CALN1: variants seen among roughly 807,000 people sequenced by gnomAD.
CALN1 encodes calcium-binding protein 8.
A neutral mutation model predicts 30.6 loss-of-function variants in CALN1; 17 were observed. The ratio of observed to expected loss-of-function variants is 0.56; its 90% CI spans 0.38 to 0.83. The LOEUF (loss-of-function observed/expected upper bound fraction) is 0.83. Among genes scored for constraint, CALN1 ranks in the 40% least tolerant of loss-of-function variants. CALN1 has a pLI of 0.00. For missense variants in CALN1, 291 were observed against 354.9 expected (o/e 0.82, Z 1.45); for synonymous variants, 156 against 131.4 (o/e 1.19, Z -1.28).
chr7:72,157,635 G>A (rs1276028044), intron 3 of CALN1, among the ~76,000 whole-genome samples: 1 of 152,212 alleles, frequency 6.6e-6, no homozygotes, highest in Non-Finnish European at 1.5e-5. Context: ...TGGAGGAGAG[G>A]AGGAAGGAGA....
chr7:71,972,443 A>G (rs1797894991), intron 5 of CALN1, among the ~76,000 whole-genome samples: 2 of 152,116 alleles, frequency 1.3e-5, no homozygotes, highest in East Asian at 1.9e-4. Flanking sequence ...CTGAAAGGAG[A>G]ATATTTTTAC....
intron 2 of CALN1, among the ~76,000 whole-genome samples, chr7:72,380,477 G>C (rs190726336): frequency 6.6e-6 from 1 of 152,104 alleles, no homozygotes; most frequent in Non-Finnish European, 1.5e-5. Flanking sequence ...ATAAAAATTA[G>C]CTGAGCATGG....
intron 3 of CALN1, among the ~76,000 whole-genome samples, chr7:72,260,671 C>A (rs1796204759): frequency 6.6e-6 from 1 of 152,050 alleles, no homozygotes; most frequent in Non-Finnish European, 1.5e-5. Context: ...TTTTACACCC[C>A]CAGTGGGTGC....
chr7:72,128,937 A>C (rs1808953510), intron 3 of CALN1, among the ~76,000 whole-genome samples: 1 of 152,208 alleles, frequency 6.6e-6, no homozygotes, highest in Non-Finnish European at 1.5e-5. Flanking sequence ...GAAAAATCAG[A>C]AACAAAGTAA....
chr7:72,499,861 CTT>C, the CALN1 span, among the ~76,000 whole-genome samples: 624 of 50,288 alleles, frequency 0.012, 95 homozygotes, highest in African/African-American at 0.063. Flanking sequence ...TTCTTTCTTT[CTT>C]TCTTTCTTTC....
chr7:72,152,440 G>A (rs1787325481), intron 3 of CALN1, among the ~76,000 whole-genome samples: 1 of 152,184 alleles, frequency 6.6e-6, no homozygotes, highest in South Asian at 2.1e-4. Context: ...TTTGCATGGT[G>A]CGAGAGAGCA....
upstream of CALN1, among the ~76,000 whole-genome samples, chr7:72,451,209 A>AAGAAGAAGG (rs747175718): frequency 2.4e-5 from 3 of 126,120 alleles, no homozygotes; most frequent in African/African-American, 1.1e-4. Flanking sequence ...GAAGAAGAAG[A>AAGAAGAAGG]AGGAGGAGGA....
At chr7:72,352,170 A>G (rs777371189) in intron 2 of CALN1, among the ~76,000 whole-genome samples, 1 of 151,566 alleles carries the variant, frequency 6.6e-6, no homozygotes, top group Non-Finnish European at 1.5e-5. Flanking sequence ...CCGTCTCAAA[A>G]CAAACAAACA....
intron 6 of CALN1, among the ~76,000 whole-genome samples, chr7:71,794,211 C>T (rs1455265537): frequency 6.6e-6 from 1 of 152,078 alleles, no homozygotes; most frequent in African/African-American, 2.4e-5. Flanking sequence ...TACTGTTACG[C>T]CCAGGTTCAA....
At chr7:72,166,666 C>T (rs1788546226) in intron 3 of CALN1, among the ~76,000 whole-genome samples, 1 of 152,168 alleles carries the variant, frequency 6.6e-6, no homozygotes, top group African/African-American at 2.4e-5. Flanking sequence ...GAGTGGCAAA[C>T]GGATTATGTA....
chr7:71,966,146 T>C (rs1584629838), intron 5 of CALN1, among the ~76,000 whole-genome samples: 1 of 152,350 alleles, frequency 6.6e-6, no homozygotes, highest in East Asian at 1.9e-4. Context: ...GTGCTCCTTG[T>C]AGTTTCTATC....
intron 3 of CALN1, among the ~76,000 whole-genome samples, chr7:72,139,216 A>C (rs1292481522): frequency 7.2e-5 from 11 of 152,206 alleles, no homozygotes; most frequent in Admixed American, 3.9e-4. Flanking sequence ...TTGATGTCCC[A>C]GGCGCTTCCA....
At chr7:72,223,874 C>A (rs1007167621) in intron 3 of CALN1, among the ~76,000 whole-genome samples, 1 of 152,172 alleles carries the variant, frequency 6.6e-6, no homozygotes, top group Non-Finnish European at 1.5e-5. Context: ...TGGAGGCTAT[C>A]ATCCTAAGCA....
chr7:72,375,339 G>A (rs1255357590), intron 2 of CALN1, among the ~76,000 whole-genome samples: 6 of 152,094 alleles, frequency 3.9e-5, no homozygotes, highest in Non-Finnish European at 8.8e-5. Flanking sequence ...AAAGCAGGAA[G>A]ATTGCTTGAG....
Position 72,348,439 on chromosome 7 carries a change from T to A in CALN1, c.119+54812A>T, listed in dbSNP as rs555712715. On this transcript the variant is annotated intron_variant, in intron 2 of 6. Transcript: ENST00000395275. ...TGAAGGCTTAGGTAGCTAGATTTTG[T>A]GGGGCAGAGAACTGGAGAGGAGAAG... Among the ~76,000 whole-genome samples the A allele has an allele frequency of 2.6e-5, 4 of 152,264 alleles. No individual in the cohort carries two copies. The South Asian group carries it at 8.3e-4, about 32-fold the overall frequency.
chr7:72,101,214 C>T (rs542425116), intron 4 of CALN1, among the ~76,000 whole-genome samples: 1 of 152,296 alleles, frequency 6.6e-6, no homozygotes, highest in Non-Finnish European at 1.5e-5. Context: ...GATCCGCCTG[C>T]CTCGGCCTCC....
intron 5 of CALN1, among the ~76,000 whole-genome samples, chr7:71,982,320 C>T (rs1384179913): frequency 2.0e-5 from 3 of 152,180 alleles, no homozygotes; most frequent in African/African-American, 7.2e-5. Flanking sequence ...GTCGGCCGGG[C>T]ACAGTGGCTT....
chr7:72,314,744 G>C (rs1800317752), intron 2 of CALN1, among the ~76,000 whole-genome samples: 1 of 151,106 alleles, frequency 6.6e-6, no homozygotes, highest in African/African-American at 2.4e-5. Flanking sequence ...AGAACGCAGA[G>C]GTAAGTATTT....
chr7:72,372,625 C>T (rs1184935735), intron 2 of CALN1, among the ~76,000 whole-genome samples: 1 of 152,014 alleles, frequency 6.6e-6, no homozygotes, highest in Admixed American at 6.6e-5. Flanking sequence ...AGCTTTGGTG[C>T]CAAACTAGTC....
Sources: gnomAD v4.1 joint callset for allele counts (sites outside exome capture counted in the v4.1 genomes callset) on GRCh38, gnomAD v4.1.1 for gene constraint, MANE v1.5 for transcripts, NCBI Gene and HGNC (gene_info 2026-07-23, HGNC 2026-07-21) for gene names.